Variants in SLC45A2 observed in about 807,000 individuals in gnomAD.
The protein encoded by SLC45A2 is solute carrier family 45 member 2, also known as membrane-associated transporter protein.
In SLC45A2, 36 loss-of-function variants were observed where a neutral mutation model predicts 45.5. The ratio of observed to expected loss-of-function variants is 0.79; its 90% CI spans 0.61 to 1.04. SLC45A2 has a LOEUF of 1.04. SLC45A2 is among the 50% of genes least tolerant of loss of function. The probability of loss-of-function intolerance (pLI) is 0.00; values close to 1 mark genes in which losing one functional copy is unlikely to be tolerated. For synonymous variants in SLC45A2, 306 were observed against 269.3 expected, an observed-to-expected ratio of 1.14 and a Z score of -1.33; for missense variants, 719 against 671.0, an observed-to-expected ratio of 1.07 and a Z score of -0.79.
At chr5:33,949,107 G>A (rs1201112550) in intron 5 of SLC45A2, among the ~76,000 whole-genome samples, 6 of 152,186 alleles carry the variant, frequency 3.9e-5, no homozygotes, top group Non-Finnish European at 2.9e-5. Flanking sequence ...ACTCAGTGTT[G>A]TTGTTCTAAT....
intron 6 of SLC45A2, chr5:33,946,373 T>C (rs1259183506): frequency 2.0e-6 from 2 of 985,406 alleles, no homozygotes; most frequent in African/African-American, 3.5e-5. Flanking sequence ...TTCAGTGTTT[T>C]TGCAGTTTCA....
At position 33,969,065 on chromosome 5, in the gene SLC45A2, C is replaced by CTCTCTCTGTGTGTGTG; in HGVS notation, c.563-5050_563-5049insCACACACACAGAGAGA. On this transcript the variant is annotated intron_variant, in intron 2 of 6. Coordinates refer to ENST00000296589, the MANE Select transcript of SLC45A2 (RefSeq NM_016180.5). ...AGCTACTCTCTCTCTCTCTCTCTCT[C>CTCTCTCTGTGTGTGTG]TGTGTGTGTGTGTGTGTGTGTGTGT... is the stretch of plus-strand genomic sequence containing the variant. Among the ~76,000 whole-genome samples the CTCTCTCTGTGTGTGTG allele has an allele frequency of 1.4e-3, 142 of 102,460 alleles. 2 individuals are homozygous for CTCTCTCTGTGTGTGTG. The Middle Eastern group carries it at 0.019, about 14-fold the overall frequency. The allele number at this position is 102,460 out of a possible 152,430, so 67.2% of individuals were successfully genotyped here. A position where few individuals can be genotyped will look rare whatever the true frequency, so the allele number is the denominator to read the frequency against.
chr5:33,971,756 A>G (rs1579554836), intron 2 of SLC45A2, among the ~76,000 whole-genome samples: 1 of 152,104 alleles, frequency 6.6e-6, no homozygotes, highest in Non-Finnish European at 1.5e-5. Flanking sequence ...CCTTCTGAGT[A>G]GCTGGGATTA....
chr5:33,951,520 T>C, intron 5 of SLC45A2, 34 bp downstream of exon 5: 1 of 1,613,826 alleles, frequency 6.2e-7, no homozygotes, highest in South Asian at 1.1e-5. Context: ...CCAGAAACTT[T>C]TAGAAGACAT....
chr5:33,952,307 T>G (rs1052819700), intron 4 of SLC45A2, among the ~76,000 whole-genome samples: 5 of 151,440 alleles, frequency 3.3e-5, no homozygotes, highest in African/African-American at 1.2e-4. Flanking sequence ...CCACCCCTCC[T>G]TTTTGAAGCC....
chr5:33,948,955 C>A (rs779978154), intron 5 of SLC45A2, among the ~76,000 whole-genome samples: 2 of 152,204 alleles, frequency 1.3e-5, no homozygotes, highest in African/African-American at 2.4e-5. Context: ...TTGAATTGCC[C>A]TCTGATGGGT....
intron 5 of SLC45A2, 84 bp from the exon 6 acceptor site, chr5:33,947,458 T>G (rs1382028789): frequency 7.7e-7 from 1 of 1,299,502 alleles, no homozygotes; most frequent in African/African-American, 1.5e-5. Context: ...CTTCTGAAGA[T>G]TCACCTTTTT....
At chr5:33,963,295 C>T (rs1752501393) in intron 3 of SLC45A2, among the ~76,000 whole-genome samples, 3 of 152,100 alleles carry the variant, frequency 2.0e-5, no homozygotes, top group Admixed American at 6.5e-5. Context: ...CAGGCAAATT[C>T]GATATGCCCA....
chr5:33,983,297 T>C (rs1753135312), intron 1 of SLC45A2, among the ~76,000 whole-genome samples: 1 of 152,260 alleles, frequency 6.6e-6, no homozygotes, highest in South Asian at 2.1e-4. Flanking sequence ...CCATTTGCTT[T>C]TTAAACTTAA....
At chr5:33,974,593 G>A (rs1261090564) in intron 2 of SLC45A2, among the ~76,000 whole-genome samples, 2 of 152,210 alleles carry the variant, frequency 1.3e-5, no homozygotes, top group South Asian at 2.1e-4. Context: ...GTGGAATGCT[G>A]TAGTTATCTC....
chr5:33,972,147 C>T, intron 2 of SLC45A2: 1 of 518,596 alleles, frequency 1.9e-6, no homozygotes, highest in Non-Finnish European at 4.0e-6. Context: ...AGGGACCATC[C>T]ACCATGCATC....
chr5:33,969,008 A>G (rs1368173213), intron 2 of SLC45A2, among the ~76,000 whole-genome samples: 1 of 149,900 alleles, frequency 6.7e-6, no homozygotes, highest in African/African-American at 2.4e-5. Flanking sequence ...CACCAGGTAC[A>G]TACTAAATCC....
At position 33,944,843 on chromosome 5, in the gene SLC45A2, G is replaced by A; in HGVS notation, c.1398C>T (p.Asp466=). 1 of 1,613,716 alleles carries A rather than the reference G, an allele frequency of 6.2e-7. No individual in the cohort carries two copies. Among genetic ancestry groups the A allele is most frequent in the South Asian group, 1.1e-5 (1 of 90,932 alleles). Residue 466 remains aspartate (D), a synonymous_variant, in exon 7 of 7, where the codon GAC becomes GAT. Transcript: ENST00000296589. ...ERQQAPGGDP[D]NSVRGKGMDC... ...CCATGCCCTTCCCTCTCACGCTGTT[G>A]TCTGGGTCCCCTCCTGGGGCCTGCT...
chr5:33,981,833 G>A (rs543889865), intron 2 of SLC45A2, among the ~76,000 whole-genome samples: 38 of 152,260 alleles, frequency 2.5e-4, no homozygotes, highest in African/African-American at 8.2e-4. Context: ...TCTGGGCCCC[G>A]CCTTAGACTC....
intron 4 of SLC45A2, among the ~76,000 whole-genome samples, chr5:33,954,124 C>A (rs1322597643): frequency 6.6e-6 from 1 of 152,074 alleles, no homozygotes; most frequent in African/African-American, 2.4e-5. Context: ...GACTTTAACA[C>A]CCCACTGTCA....
chr5:33,951,258 T>G (rs1752087088), intron 5 of SLC45A2: 1 of 579,984 alleles, frequency 1.7e-6, no homozygotes, highest in African/African-American at 1.9e-5. Context: ...CTGCTGGGAC[T>G]CATCCATCCA....
intron 3 of SLC45A2, 28 bp downstream of exon 3, chr5:33,963,663 T>G (rs745892716): frequency 6.2e-7 from 1 of 1,609,280 alleles, no homozygotes; most frequent in East Asian, 2.2e-5. Flanking sequence ...ATATTTTCCC[T>G]TGTAAAGAAA....
intron 2 of SLC45A2, among the ~76,000 whole-genome samples, chr5:33,975,023 A>G (rs1752884482): frequency 6.7e-6 from 1 of 150,034 alleles, no homozygotes; most frequent in Admixed American, 6.6e-5. Context: ...CTAAGCCTTA[A>G]ACAAAGTGAG....
intron 2 of SLC45A2, among the ~76,000 whole-genome samples, chr5:33,969,065 C>CTCTGTGTGTGTGTGTGTGTG: frequency 6.8e-5 from 7 of 102,466 alleles, no homozygotes; most frequent in Middle Eastern, 4.9e-3. Context: ...CTCTCTCTCT[C>CTCTGTGTGTGTGTGTGTGTG]TGTGTGTGTG....
Sources: allele counts gnomAD v4.1 joint callset (sites outside exome capture counted in the v4.1 genomes callset), GRCh38; gene constraint gnomAD v4.1.1; transcripts MANE v1.5; gene names NCBI Gene and HGNC (gene_info 2026-07-23, HGNC 2026-07-21).